Variants in PDE10A observed in about 807,000 individuals in gnomAD.
PDE10A encodes the protein phosphodiesterase 10A, also known as cAMP and cAMP-inhibited cGMP 3',5'-cyclic phosphodiesterase 10A.
PDE10A carries 39 observed loss-of-function variants against 97.7 expected under a neutral mutation model. The ratio of observed to expected loss-of-function variants is 0.40; its 90% CI spans 0.31 to 0.52. The LOEUF (loss-of-function observed/expected upper bound fraction) is 0.52. Among genes scored for constraint, PDE10A ranks in the 20% least tolerant of loss-of-function variants. PDE10A has a pLI of 0.56. For missense variants in PDE10A, 731 were observed against 1,047.8 expected, an observed-to-expected ratio of 0.70 and a Z score of 4.17; for synonymous variants, 371 against 376.8, an observed-to-expected ratio of 0.98 and a Z score of 0.18.
chr6:165,883,609 G>A (rs1000614671), intron 1 of PDE10A, among the ~76,000 whole-genome samples: 4 of 152,030 alleles, frequency 2.6e-5, no homozygotes, highest in African/African-American at 9.7e-5. Context: ...GGGATTTTCA[G>A]TTTCTGGAAA....
chr6:165,564,147 T>C (rs1239706200), intron 1 of PDE10A, among the ~76,000 whole-genome samples: 5 of 152,208 alleles, frequency 3.3e-5, no homozygotes, highest in Admixed American at 3.3e-4. Flanking sequence ...TCCTTTAAAA[T>C]AAATATTTAG....
At position 165,413,657 on chromosome 6, in the gene PDE10A, C is replaced by G. The variant is rs765231391; in HGVS notation, c.1920G>C (p.Thr640=). ...CGATGGGCATGCACAGGATGTTCCG[C>G]GTGGTGTAGCCTGTGTACAAGTCTA... The part of the protein sequence containing the change: ...REVDLYTGYT[T]RNILCMPIVS... The change falls in exon 13 of 22, where the codon ACG becomes ACC. Residue 640 remains threonine, a synonymous_variant. Coordinates refer to ENST00000539869, the MANE Select transcript of PDE10A (RefSeq NM_001385079.1). The G allele has an allele frequency of 1.9e-6, 3 of 1,614,056 alleles. No homozygotes were observed. Among genetic ancestry groups the G allele is most frequent in the Non-Finnish European group, 2.5e-6 (3 of 1,179,980 alleles).
chr6:165,386,168 A>C (rs1339972957), intron 17 of PDE10A, among the ~76,000 whole-genome samples: 2 of 152,136 alleles, frequency 1.3e-5, no homozygotes, highest in African/African-American at 4.8e-5. Flanking sequence ...GGGTTTGCCA[A>C]AATGGAGGCA....
chr6:165,548,849 C>T (rs943749753), intron 1 of PDE10A, among the ~76,000 whole-genome samples: 1 of 152,152 alleles, frequency 6.6e-6, no homozygotes, highest in African/African-American at 2.4e-5. Flanking sequence ...CCTTTGTTCA[C>T]CAGTTTTGAA....
intron 1 of PDE10A, among the ~76,000 whole-genome samples, chr6:165,611,861 C>T (rs117757260): frequency 6.6e-6 from 1 of 152,326 alleles, no homozygotes; most frequent in East Asian, 1.9e-4. Flanking sequence ...GCCAGTGAAG[C>T]AATTTACCAA....
chr6:165,435,272 A>T lies in PDE10A; in HGVS notation c.1300T>A (p.Ser434Thr). 1.2e-6 allele frequency: 2 copies of T among 1,614,118 alleles called. No individual in the cohort carries two copies. The highest frequency in any genetic ancestry group is 1.7e-6 in the Non-Finnish European group (2 of 1,179,974). Reference sequence around the variant, plus strand: ...TCTTCTACTAGCAGTGTTTTCCTGGACTTGGCCACATAAGCAGAGACGGTG... The same window carrying T: ...TCTTCTACTAGCAGTGTTTTCCTGGTCTTGGCCACATAAGCAGAGACGGTG... The part of the protein sequence containing the change: ...GTTVSAYVAK[S>T]RKTLLVEDIL... The change falls in exon 6 of 22, where the codon TCC becomes ACC. Residue 434 changes from serine (S) to threonine (T), a missense_variant. By Grantham distance (58) the Ser-to-Thr change is moderately conservative. This residue lies in a region of PDE10A where 152 missense variants were observed against 199.3 expected (regional missense o/e 0.76). Transcript: ENST00000539869.
chr6:165,859,552 AGGTGTGT>A (rs1780842180), intron 1 of PDE10A, among the ~76,000 whole-genome samples: 1 of 152,224 alleles, frequency 6.6e-6, no homozygotes. Flanking sequence ...GCAAGTGGGA[AGGTGTGT>A]GGTGCTTCCC....
chr6:165,483,977 A>G (rs955499785), intron 2 of PDE10A, among the ~76,000 whole-genome samples: 2 of 152,274 alleles, frequency 1.3e-5, no homozygotes, highest in African/African-American at 4.8e-5. Flanking sequence ...ATTTGAAAGA[A>G]AAAAATTTAC....
chr6:165,765,389 A>G (rs1039862543), intron 1 of PDE10A, among the ~76,000 whole-genome samples: 2 of 152,188 alleles, frequency 1.3e-5, no homozygotes, highest in Non-Finnish European at 2.9e-5. Context: ...GAGGCGGGGG[A>G]AGGCTCAGGC....
intron 1 of PDE10A, among the ~76,000 whole-genome samples, chr6:165,764,742 T>A (rs1053565254): frequency 6.6e-6 from 1 of 152,186 alleles, no homozygotes; most frequent in Non-Finnish European, 1.5e-5. Context: ...ATAAAGGCAC[T>A]GTGGACCCAA....
At position 165,943,183 on chromosome 6, in the gene PDE10A, G is replaced by A. The variant is rs866859597; in HGVS notation, c.-615+44346C>T. On this transcript the variant is annotated intron_variant, in intron 1 of 19. Transcript: ENST00000366882. ...AGAGAAGAAAGAAAGAAAAAAGAAA[G>A]AAAGAAAGAAAGAAAGAAAGAAAGA... is the stretch of plus-strand genomic sequence containing the variant. Among the ~76,000 whole-genome samples, 34 of 46,878 alleles carry A rather than the reference G, an allele frequency of 7.3e-4. 1 individual carries two copies. Among genetic ancestry groups the A allele is most frequent in the African/African-American group, 4.1e-3 (30 of 7,284 alleles). The allele number at this position is 46,878 out of a possible 152,430, so 30.8% of individuals were successfully genotyped here. A position where few individuals can be genotyped will look rare whatever the true frequency, so the allele number is the denominator to read the frequency against.
At chr6:165,765,309 G>C (rs7755876) in intron 1 of PDE10A, among the ~76,000 whole-genome samples, 1 of 150,602 alleles carries the variant, frequency 6.6e-6, no homozygotes, top group African/African-American at 2.4e-5. Context: ...TTGGGTGATC[G>C]ATGGGACTGG....
chr6:165,333,589 C>G (rs1781468800), intron 21 of PDE10A, among the ~76,000 whole-genome samples: 1 of 152,182 alleles, frequency 6.6e-6, no homozygotes, highest in Non-Finnish European at 1.5e-5. Context: ...TACACTTGTT[C>G]TTATTCTGAA....
At chr6:165,716,422 C>G (rs935675845) in intron 1 of PDE10A, among the ~76,000 whole-genome samples, 1 of 152,204 alleles carries the variant, frequency 6.6e-6, no homozygotes, top group Non-Finnish European at 1.5e-5. Context: ...GACTGCACAC[C>G]TTATCTTCTA....
chr6:165,772,904 T>G (rs541729818), intron 1 of PDE10A, among the ~76,000 whole-genome samples: 32 of 152,360 alleles, frequency 2.1e-4, no homozygotes, highest in Admixed American at 5.9e-4. Flanking sequence ...CTGGGCATCC[T>G]TTTCGTAGAA....
chr6:165,954,771 G>A (rs958320569), intron 1 of PDE10A, among the ~76,000 whole-genome samples: 2 of 152,046 alleles, frequency 1.3e-5, no homozygotes, highest in Non-Finnish European at 2.9e-5. Context: ...ACACAGCCTT[G>A]GCTTTCTATC....
intron 1 of PDE10A, among the ~76,000 whole-genome samples, chr6:165,729,565 C>G (rs868203258): frequency 6.6e-6 from 1 of 152,164 alleles, no homozygotes; most frequent in Admixed American, 6.5e-5. Flanking sequence ...CGGGCCCCAA[C>G]CACAGGGATC....
chr6:165,369,512 G>T, intron 18 of PDE10A, among the ~76,000 whole-genome samples: 1 of 113,314 alleles, frequency 8.8e-6, no homozygotes, highest in South Asian at 2.6e-4. Flanking sequence ...AATGAAGCGA[G>T]AAGGAAGTTT....
chr6:165,525,528 T>C (rs914704924), intron 2 of PDE10A, among the ~76,000 whole-genome samples: 6 of 151,416 alleles, frequency 4.0e-5, no homozygotes, highest in Non-Finnish European at 8.8e-5. Context: ...TTAGACCTAC[T>C]CATCCCAGCC....
Sources: allele counts gnomAD v4.1 joint callset (sites outside exome capture counted in the v4.1 genomes callset), GRCh38; gene constraint gnomAD v4.1.1; regional missense constraint gnomAD v4.1.1; transcripts MANE v1.5; gene names NCBI Gene and HGNC (gene_info 2026-07-23, HGNC 2026-07-21).